The following NSA2 variants were observed in gnomAD, a reference collection of about 807,000 sequenced individuals.
NSA2 encodes the protein NSA2 ribosome biogenesis factor.
Under a neutral mutation model 34.8 loss-of-function variants are expected in NSA2, and 18 were observed. The ratio of observed to expected loss-of-function variants is 0.52; its 90% confidence interval spans 0.36 to 0.77. NSA2 has a LOEUF of 0.77. NSA2 is among the 30% of genes least tolerant of loss of function. The pLI is 0.00. For synonymous variants in NSA2, 79 were observed against 100.2 expected, an observed-to-expected ratio of 0.79 and a Z score of 1.26; for missense variants, 188 against 314.7, an observed-to-expected ratio of 0.60 and a Z score of 3.05.
intron 5 of NSA2, among the ~76,000 whole-genome samples, chr5:74,775,197 C>G (rs1745070442): frequency 6.6e-6 from 1 of 152,064 alleles, no homozygotes; most frequent in South Asian, 2.1e-4. Context: ...GCCTGGATGA[C>G]AGAGCGAGAC....
chr5:74,769,015 C>T lies in NSA2; in HGVS notation c.88C>T (p.Arg30Ter), dbSNP rs757767595. The change falls in exon 2 of 6, where the codon CGA (arginine) becomes TGA (stop). Residue 30 changes from arginine to a stop codon, truncating the protein, a stop_gained. Coordinates refer to ENST00000610426, the MANE Select transcript of NSA2 (RefSeq NM_014886.6). LOFTEE classifies it high-confidence loss of function. Reference sequence around the variant, plus strand: ...TGAGAAAAAGAGAAAGAAGGAAAGTCGAGAGGCTCATGAACGTTCAAAGAA... The same window carrying T: ...TGAGAAAAAGAGAAAGAAGGAAAGTTGAGAGGCTCATGAACGTTCAAAGAA... ...YHEKKRKKES[R>*]EAHERSKKAK... 3.1e-6 allele frequency: 5 copies of T among 1,611,038 alleles called. No homozygotes were observed. The Admixed American group carries it at 6.7e-5, about 22-fold the overall frequency.
intron 3 of NSA2, among the ~76,000 whole-genome samples, chr5:74,770,277 G>A (rs1744872542): frequency 6.7e-6 from 1 of 149,656 alleles, no homozygotes; most frequent in Non-Finnish European, 1.5e-5. Flanking sequence ...GCTGCACAGT[G>A]AGCCAAGATT....
At chr5:74,769,925 G>GC (rs1397587507) in intron 3 of NSA2, among the ~76,000 whole-genome samples, 1 of 152,152 alleles carries the variant, frequency 6.6e-6, no homozygotes, top group Non-Finnish European at 1.5e-5. Flanking sequence ...ATTTTGTCTT[G>GC]CTAGTGATCT....
intron 4 of NSA2, among the ~76,000 whole-genome samples, chr5:74,772,226 G>A (rs893573878): frequency 4.0e-5 from 6 of 150,688 alleles, no homozygotes; most frequent in South Asian, 4.2e-4. Flanking sequence ...CCGGGTTCTC[G>A]CCATTCTCCT....
intron 4 of NSA2, 62 bp from the exon 5 acceptor site, chr5:74,773,806 C>A: frequency 7.7e-7 from 1 of 1,298,364 alleles, no homozygotes; most frequent in Non-Finnish European, 1.1e-6. Flanking sequence ...CGAAAACGAC[C>A]ACTACTCATC....
chr5:74,772,124 ATTTT>A (rs1188382017), intron 4 of NSA2, among the ~76,000 whole-genome samples: 2 of 137,018 alleles, frequency 1.5e-5, no homozygotes, highest in African/African-American at 2.7e-5. Flanking sequence ...AACCTGAGTA[ATTTT>A]TTTTTTTTTT....
At chr5:74,776,521 A>G (rs1264708989) in intron 5 of NSA2, 83 bp from the exon 6 acceptor site, 6 of 776,218 alleles carry the variant, frequency 7.7e-6, no homozygotes, top group Non-Finnish European at 1.4e-5. Context: ...AAAGAAAAAA[A>G]AGGCAAAAGT....
At position 74,768,949 on chromosome 5, in the gene NSA2, G is replaced by C. The variant is rs1225206155; in HGVS notation, c.22G>C (p.Glu8Gln). ...ATTATAGCCACAGAATGAATATATT[G>C]AATTACACCGTAAACGCTATGGATA... MPQNEYI[E>Q]LHRKRYGYRL... The change falls in exon 2 of 6, where the codon GAA becomes CAA. Residue 8 changes from glutamate (E) to glutamine (Q), a missense_variant. Coordinates refer to ENST00000610426, the MANE Select transcript of NSA2 (RefSeq NM_014886.6). 6.3e-7 allele frequency: 1 copy of C among 1,583,550 alleles called. No individual in the cohort carries two copies.
Position 74,776,801 on chromosome 5 carries a change from T to TAA in NSA2, c.*132_*133dup. ...AAGAGATTTATTAAATTGTAAACAT[T>TAA]AAAGTGGTCCAGTTTTATAAATGGT... On this transcript the variant is annotated 3_prime_UTR_variant, in exon 6 of 6. Coordinates refer to ENST00000610426, the MANE Select transcript of NSA2 (RefSeq NM_014886.6). 1.8e-6 allele frequency: 1 copy of TAA among 560,238 alleles called. No homozygotes were observed. The highest frequency in any genetic ancestry group is 3.3e-6 in the Non-Finnish European group (1 of 306,930). The allele number at this position is 560,238 out of a possible 1,614,324, so 34.7% of individuals were successfully genotyped here. A position where few individuals can be genotyped will look rare whatever the true frequency, so the allele number is the denominator to read the frequency against.
intron 1 of NSA2, among the ~76,000 whole-genome samples, chr5:74,768,239 CG>C (rs963509973): frequency 6.6e-6 from 1 of 152,186 alleles, no homozygotes; most frequent in Non-Finnish European, 1.5e-5. Flanking sequence ...ATCTGGTCAG[CG>C]GGTAAACAGT....
Position 74,779,502 on chromosome 5 carries a change from A to G in NSA2, c.*2831A>G, listed in dbSNP as rs1322238582. ...TTCAAATCTAAGAAATGAAACATGT[A>G]AAGATTAAGAATTTACTGAATCTTA... On this transcript the variant is annotated 3_prime_UTR_variant, in exon 6 of 6. Coordinates refer to ENST00000610426, the MANE Select transcript of NSA2 (RefSeq NM_014886.6). 2.0e-5 allele frequency: 3 copies of G among 152,206 alleles called. No homozygotes were observed. The highest frequency in any genetic ancestry group is 7.2e-5 in the African/African-American group (3 of 41,456). 9.4% of individuals were successfully genotyped at this position (152,206 alleles called of 1,614,324 possible). A position where few individuals can be genotyped will look rare whatever the true frequency, so the allele number is the denominator to read the frequency against.
chr5:74,773,865 T>C lies in NSA2; in HGVS notation c.523-3T>C. The C allele has an allele frequency of 6.2e-7, 1 of 1,610,246 alleles. No individual in the cohort carries two copies. Among genetic ancestry groups the C allele is most frequent in the Non-Finnish European group, 8.5e-7 (1 of 1,177,936 alleles). ...CATTCTTATGTTGTGTTTGACTTACTAGGGCTTGCGTTTCAAGAAAGCCCA... is the reference window on the plus strand; with the variant it reads ...CATTCTTATGTTGTGTTTGACTTACCAGGGCTTGCGTTTCAAGAAAGCCCA... On this transcript the variant is annotated splice_region_variant and splice_polypyrimidine_tract_variant and intron_variant, in intron 4 of 5. Transcript: ENST00000610426.
At chr5:74,770,569 T>A in intron 3 of NSA2, 62 bp from the exon 4 acceptor site, 1 of 1,296,252 alleles carries the variant, frequency 7.7e-7, no homozygotes, top group Non-Finnish European at 1.1e-6. Context: ...CTAAAACATA[T>A]TTGACTTATT....
At chr5:74,772,225 C>T (rs1372182680) in intron 4 of NSA2, among the ~76,000 whole-genome samples, 1 of 150,838 alleles carries the variant, frequency 6.6e-6, no homozygotes, top group Non-Finnish European at 1.5e-5. Context: ...CCCGGGTTCT[C>T]GCCATTCTCC....
chr5:74,772,593 A>G (rs749394816), intron 4 of NSA2, among the ~76,000 whole-genome samples: 3 of 152,174 alleles, frequency 2.0e-5, no homozygotes, highest in Non-Finnish European at 2.9e-5. Context: ...GTGTTTACCT[A>G]TTGGGTTCTT....
rs947655720 is a variant in NSA2, at chr5:74,778,691, T to C, written c.*2020T>C. The stretch of plus-strand genomic sequence containing the variant: ...TACTAATTTCTGTGATGTCTAGCAA[T>C]TGAATAATTTAAACTTGAAAGAACT... On this transcript the variant is annotated 3_prime_UTR_variant, in exon 6 of 6. Transcript: ENST00000610426. 2.6e-5 allele frequency: 4 copies of C among 152,076 alleles called. No individual in the cohort carries two copies. Among genetic ancestry groups the C allele is most frequent in the African/African-American group, 4.8e-5 (2 of 41,438 alleles). The allele number at this position is 152,076 out of a possible 1,614,324, so 9.4% of individuals were successfully genotyped here. A position where few individuals can be genotyped will look rare whatever the true frequency, so the allele number is the denominator to read the frequency against.
chr5:74,770,865 G>C (rs771095597), intron 4 of NSA2, 55 bp downstream of exon 4: 12 of 1,238,818 alleles, frequency 9.7e-6, no homozygotes, highest in Non-Finnish European at 1.2e-5. Flanking sequence ...TATTAAATCG[G>C]ATAAAGAACA....
chr5:74,776,372 C>T (rs573487676), intron 5 of NSA2, among the ~76,000 whole-genome samples: 20 of 152,198 alleles, frequency 1.3e-4, no homozygotes, highest in Non-Finnish European at 2.9e-4. Context: ...CAGGCAGTGG[C>T]GTGTGCCTGT....
rs1745215196 is a variant in NSA2 at position 74,778,145 on chromosome 5, TGTAAG to T, written c.*1478_*1482del. The T allele has an allele frequency of 6.6e-6, 1 of 152,022 alleles. No individual in the cohort carries two copies. The highest frequency in any genetic ancestry group is 1.9e-4 in the East Asian group (1 of 5,202). The allele number at this position is 152,022 out of a possible 1,614,324, so 9.4% of individuals were successfully genotyped here. On this transcript the variant is annotated 3_prime_UTR_variant, in exon 6 of 6. Coordinates refer to ENST00000610426, the MANE Select transcript of NSA2 (RefSeq NM_014886.6). ...TTTTTTAGAACCAAAAATACTATCT[TGTAAG>T]GTACAAAGAAAGCTTGATATTAAGT...
Sources: allele counts gnomAD v4.1 joint callset (sites outside exome capture counted in the v4.1 genomes callset), GRCh38; gene constraint gnomAD v4.1.1; transcripts MANE v1.5; gene names NCBI Gene and HGNC (gene_info 2026-07-23, HGNC 2026-07-21).